BTBD8: variants seen among roughly 807,000 people sequenced by gnomAD.
BTBD8 encodes the protein BTB/POZ domain-containing protein 8.
In BTBD8, 110 loss-of-function variants were observed where a neutral mutation model predicts 162.9. The observed-to-expected ratio is 0.68, with a 90% CI of 0.58 to 0.79. The LOEUF is 0.79. BTBD8 is among the 30% of genes least tolerant of loss of function. BTBD8 has a pLI of 0.00. For synonymous variants in BTBD8, 667 were observed against 716.1 expected, an observed-to-expected ratio of 0.93 and a Z score of 1.10; for missense variants, 1,905 against 2,085.4, an observed-to-expected ratio of 0.91 and a Z score of 1.68.
rs1264461169 is a variant in BTBD8, at chr1:92,181,944, A to G, written c.4261A>G (p.Thr1421Ala). Residue 1421 changes from threonine to alanine, a missense_variant, in exon 17 of 18, where the codon ACT (threonine) becomes GCT (alanine). Transcript: ENST00000636805. The part of the protein sequence containing the change: ...GIINLAFEDA[T>A]ENECREFSAT... ...AATTAATTTAGCTTTTGAAGATGCA[A>G]CTGAAAATGAATGTCGTGAATTTTC... 8 of 1,551,584 alleles carry G rather than the reference A, an allele frequency of 5.2e-6. No individual in the cohort carries two copies. The highest frequency in any genetic ancestry group is 6.1e-6 in the Non-Finnish European group (7 of 1,146,960).
At position 92,151,325 on chromosome 1, in the gene BTBD8, G is replaced by C. The variant is rs143560898; in HGVS notation, c.1122+3539G>C. On this transcript the variant is annotated intron_variant, in intron 9 of 17. Transcript: ENST00000636805. Reference sequence around the variant, plus strand: ...GCTGGGATTGTGCCATTCCACCTCAGCCTAGGCAACAAGAACGAAACTGTC... The same window carrying C: ...GCTGGGATTGTGCCATTCCACCTCACCCTAGGCAACAAGAACGAAACTGTC... Among the ~76,000 whole-genome samples the C allele has an allele frequency of 1.7e-3, 247 of 144,442 alleles. 3 individuals carry two copies. In the East Asian group the frequency reaches 0.03, roughly 17 times the overall value. 94.8% of individuals were successfully genotyped at this position (144,442 alleles called of 152,430 possible). A position where few individuals can be genotyped will look rare whatever the true frequency, so the allele number is the denominator to read the frequency against.
At chr1:92,171,498 A>G in intron 13 of BTBD8, 38 bp downstream of exon 13, 1 of 1,198,816 alleles carries the variant, frequency 8.3e-7, no homozygotes, top group Non-Finnish European at 1.1e-6. Flanking sequence ...AATGAAAAAG[A>G]TAACAAATTA....
chr1:92,080,811 T>C, intron 1 of BTBD8, 91 bp downstream of exon 1: 1 of 1,519,004 alleles, frequency 6.6e-7, no homozygotes. Flanking sequence ...TGCCTCCCCC[T>C]CCCTCAGCAC....
intron 4 of BTBD8, among the ~76,000 whole-genome samples, chr1:92,125,120 C>G (rs939954887): frequency 1.6e-4 from 25 of 152,044 alleles, no homozygotes; most frequent in African/African-American, 6.0e-4. Flanking sequence ...TACTCATGGA[C>G]ATAGTTTCCA....
chr1:92,158,780 GAA>G (rs563706126), intron 9 of BTBD8, among the ~76,000 whole-genome samples: 1 of 149,550 alleles, frequency 6.7e-6, no homozygotes, highest in Non-Finnish European at 1.5e-5. Flanking sequence ...TTAAAAAAAT[GAA>G]AAAAAAAATT....
intron 6 of BTBD8, chr1:92,139,792 A>G (rs1649723104): frequency 5.3e-6 from 1 of 188,708 alleles, no homozygotes; most frequent in Non-Finnish European, 9.9e-6. Flanking sequence ...GAAAAAACAT[A>G]GTTAAGAATA....
Position 92,102,513 on chromosome 1 carries a change from G to A in BTBD8, c.388G>A (p.Glu130Lys), listed in dbSNP as rs1648614882. Residue 130 changes from glutamate to lysine, a missense_variant, in exon 3 of 18, where the codon GAG becomes AAG. This residue lies in a region of BTBD8 where 1,374 missense variants were observed against 1,442.7 expected (regional missense o/e 0.95). Coordinates refer to ENST00000636805, the MANE Select transcript of BTBD8 (RefSeq NM_001376131.1). ...AAACAGAAACATAAAAAACTATGAA[G>A]AGGAAATTCTTAGGAAAAAGATAAT... ...SSNRNIKNYE[E>K]EILRKKIMEI... The A allele has an allele frequency of 6.4e-7, 1 of 1,560,944 alleles. No individual in the cohort carries two copies. The highest frequency in any genetic ancestry group is 8.6e-7 in the Non-Finnish European group (1 of 1,156,918).
At chr1:92,085,805 A>G (rs1648144289) in intron 1 of BTBD8, among the ~76,000 whole-genome samples, 1 of 152,142 alleles carries the variant, frequency 6.6e-6, no homozygotes, top group African/African-American at 2.4e-5. Flanking sequence ...AGGGGGATGG[A>G]TTGCTTGAGC....
intron 9 of BTBD8, among the ~76,000 whole-genome samples, chr1:92,148,000 A>T (rs1649965563): frequency 6.6e-6 from 1 of 152,206 alleles, no homozygotes; most frequent in South Asian, 2.1e-4. Context: ...AAGCAGAACC[A>T]CTAGGATGTG....
At chr1:92,167,788 T>A in intron 10 of BTBD8, 60 bp from the exon 11 acceptor site, 1 of 1,329,370 alleles carries the variant, frequency 7.5e-7, no homozygotes, top group Admixed American at 2.2e-5. Context: ...CGCCAGACTT[T>A]CACATTTCTT....
At chr1:92,173,033 C>T (rs954902149) in intron 13 of BTBD8, among the ~76,000 whole-genome samples, 1 of 152,162 alleles carries the variant, frequency 6.6e-6, no homozygotes, top group African/African-American at 2.4e-5. Flanking sequence ...TCAAGCAGTT[C>T]TCCTCCCTCA....
rs775409415 is a variant in BTBD8, at chr1:92,147,191, A to C, written c.942A>C (p.Arg314Ser). ...TCCATCAATTTTAGCCTGTTCCCAGAACATTGACGTCTATACTAGAATGCC... is the reference window on the plus strand; with the variant it reads ...TCCATCAATTTTAGCCTGTTCCCAGCACATTGACGTCTATACTAGAATGCC... ...YCNFFQKPVP[R>S]TLTSILECLI... is the part of the protein sequence containing the mutation. Residue 314 changes from arginine to serine, a missense_variant, in exon 8 of 18, where the codon AGA becomes AGC. Transcript: ENST00000636805. 6 of 1,605,158 alleles carry C rather than the reference A, an allele frequency of 3.7e-6. No individual in the cohort carries two copies. The highest frequency in any genetic ancestry group is 5.1e-6 in the Non-Finnish European group (6 of 1,176,346).
intron 1 of BTBD8, 150 bp from the exon 2 acceptor site, chr1:92,088,548 A>C (rs1287344673): frequency 1.8e-6 from 1 of 555,824 alleles, no homozygotes; most frequent in East Asian, 3.4e-5. Context: ...TGTTTTTTGG[A>C]ATGAACTGAG....
At position 92,176,872 on chromosome 1, in the gene BTBD8, C is replaced by T; in HGVS notation, c.1679C>T (p.Ser560Phe). The T allele has an allele frequency of 1.4e-6, 2 of 1,474,806 alleles. No homozygotes were observed. Among genetic ancestry groups the T allele is most frequent in the Non-Finnish European group, 1.8e-6 (2 of 1,112,142 alleles). 91.4% of individuals were successfully genotyped at this position (1,474,806 alleles called of 1,614,324 possible). A position where few individuals can be genotyped will look rare whatever the true frequency, so the allele number is the denominator to read the frequency against. ...GACTCTGGTGATATAAAAATCAAAT[C>T]TTGGAGGGGAAATAACAAGAAAGAG... ...VSDSGDIKIK[S>F]WRGNNKKECW... is the part of the protein sequence containing the mutation. The change falls in exon 14 of 18, where the codon TCT (serine) becomes TTT (phenylalanine). Residue 560 changes from serine to phenylalanine, a missense_variant. By Grantham distance (155) the Ser-to-Phe change is radical. Coordinates refer to ENST00000636805, the MANE Select transcript of BTBD8 (RefSeq NM_001376131.1).
chr1:92,118,799 C>CTTTAT, intron 4 of BTBD8, among the ~76,000 whole-genome samples: 1 of 70,458 alleles, frequency 1.4e-5, no homozygotes, highest in South Asian at 4.8e-4. Flanking sequence ...GCTTTTCTTT[C>CTTTAT]TTTCTTTTTT....
At chr1:92,081,581 T>C (rs1195948763) in intron 1 of BTBD8, among the ~76,000 whole-genome samples, 2 of 151,986 alleles carry the variant, frequency 1.3e-5, no homozygotes, top group Non-Finnish European at 2.9e-5. Flanking sequence ...CATTCTACTT[T>C]TTTTTTTTTG....
intron 2 of BTBD8, among the ~76,000 whole-genome samples, chr1:92,100,462 G>A (rs1648560041): frequency 6.6e-6 from 1 of 151,964 alleles, no homozygotes; most frequent in Non-Finnish European, 1.5e-5. Context: ...TTTTCTTTGA[G>A]GGAAGATTTT....
intron 2 of BTBD8, among the ~76,000 whole-genome samples, chr1:92,101,296 G>C (rs7541482): frequency 0.61 from 92,904 of 152,128 alleles, 28,930 homozygotes; most frequent in East Asian, 0.97. Context: ...ACTCAGGCCA[G>C]GTGTATGGAT....
intron 2 of BTBD8, among the ~76,000 whole-genome samples, chr1:92,093,338 A>G (rs751648121): frequency 5.3e-5 from 8 of 151,872 alleles, no homozygotes; most frequent in Non-Finnish European, 2.9e-5. Flanking sequence ...GATTACAGGC[A>G]TGTGTCACCA....
Sources: allele counts gnomAD v4.1 joint callset (sites outside exome capture counted in the v4.1 genomes callset), GRCh38; gene constraint gnomAD v4.1.1; regional missense constraint gnomAD v4.1.1; transcripts MANE v1.5; gene names NCBI Gene and HGNC (gene_info 2026-07-23, HGNC 2026-07-21).